The following ANAPC2 variants were observed in gnomAD, a reference collection of about 807,000 sequenced individuals.
ANAPC2 encodes anaphase promoting complex subunit 2, also known as anaphase-promoting complex subunit 2.
Under a neutral mutation model 84.3 loss-of-function variants are expected in ANAPC2, and 29 were observed. The ratio of observed to expected loss-of-function variants is 0.34; its 90% CI spans 0.26 to 0.47. The LOEUF is 0.47. Ranked by LOEUF, ANAPC2 falls within the 20% of genes least tolerant of loss-of-function variation. ANAPC2 has a pLI of 1.00. For missense variants in ANAPC2, 857 were observed against 1,131.7 expected (o/e 0.76, Z 3.48); for synonymous variants, 571 against 479.4 (o/e 1.19, Z -2.50).
At chr9:137,183,030 G>T in intron 6 of ANAPC2, 95 bp downstream of exon 6, 2 of 997,472 alleles carry the variant, frequency 2.0e-6, no homozygotes, top group Non-Finnish European at 3.1e-6. Flanking sequence ...GTGTCCTGAC[G>T]GCCGAACACA....
intron 10 of ANAPC2, among the ~76,000 whole-genome samples, chr9:137,178,796 G>A (rs1485278443): frequency 6.6e-5 from 10 of 152,038 alleles, no homozygotes; most frequent in Admixed American, 2.6e-4. Flanking sequence ...GCAGGCATTC[G>A]CCACCATGGT....
intron 3 of ANAPC2, 134 bp downstream of exon 3, chr9:137,186,090 C>T: frequency 7.7e-7 from 1 of 1,295,362 alleles, no homozygotes; most frequent in East Asian, 2.5e-5. Context: ...CACATCAAGA[C>T]AGCTCCAGCC....
intron 4 of ANAPC2, 130 bp from the exon 5 acceptor site, chr9:137,183,921 T>C: frequency 8.0e-7 from 1 of 1,251,594 alleles, no homozygotes; most frequent in Non-Finnish European, 1.1e-6. Flanking sequence ...GACCACCTGC[T>C]AGGCACCAGA....
In ANAPC2 at chr9:137,186,207, A is replaced by G. The variant is rs1352288447; in HGVS notation, c.873+17T>C. The G allele has an allele frequency of 6.2e-7, 1 of 1,611,740 alleles. No individual in the cohort carries two copies. The highest frequency in any genetic ancestry group is 2.2e-5 in the East Asian group (1 of 44,842). On this transcript the variant is annotated intron_variant, in intron 3 of 12. Coordinates refer to ENST00000323927, the MANE Select transcript of ANAPC2 (RefSeq NM_013366.4). ...CCCTGTCTCCAGCGGGGCACAGCCC[A>G]AGGGAGGGGTCCTCACCTTGTGGAA...
rs1834315329 is a variant in ANAPC2, at chr9:137,180,302, C to A, written c.1769G>T (p.Gly590Val). The A allele has an allele frequency of 6.2e-7, 1 of 1,613,460 alleles. No individual in the cohort carries two copies. The highest frequency in any genetic ancestry group is 1.3e-5 in the African/African-American group (1 of 74,958). ...ACTGGACAGGATGACAGCGTAGACC[C>A]CGAACGGTGGCTGCTCCTCTGCTGG... ...KRPAEEQPPFGVYAVILSSEF... is the reference protein window; with the variant it reads ...KRPAEEQPPFVVYAVILSSEF... Residue 590 changes from glycine (G) to valine (V), a missense_variant, in exon 10 of 13, where the codon GGG (glycine) becomes GTG (valine). Physicochemically the swap from Gly to Val is moderately radical, Grantham distance 109. This residue lies in a region of ANAPC2 where 425 missense variants were observed against 595.5 expected (regional missense o/e 0.71). Transcript: ENST00000323927.
chr9:137,176,174 G>A, intron 10 of ANAPC2: 1 of 173,854 alleles, frequency 5.8e-6, no homozygotes, highest in Non-Finnish European at 1.1e-5. Context: ...GTCCTTCTAA[G>A]AAAAGGAAAG....
intron 2 of ANAPC2, chr9:137,186,612 T>A (rs1834475377): frequency 2.0e-6 from 1 of 501,376 alleles, no homozygotes; most frequent in Non-Finnish European, 3.5e-6. Context: ...GTAGGGACAC[T>A]GGCCTTCCCC....
chr9:137,183,714 C>A lies in ANAPC2; in HGVS notation c.1126G>T (p.Val376Leu). ...ERTDQRQQLLVSLKAALETRL... is the reference protein window; with the variant it reads ...ERTDQRQQLLLSLKAALETRL... ...GTCTCCAGGGCAGCCTTGAGGGACA[C>A]GAGCAGCTGCTGCCTCTGGTCCGTC... The change falls in exon 5 of 13, where the codon GTG (valine) becomes TTG (leucine). Residue 376 changes from valine (V) to leucine (L), a missense_variant. Transcript: ENST00000323927. 6.2e-7 allele frequency: 1 copy of A among 1,612,780 alleles called. No homozygotes were observed. Among genetic ancestry groups the A allele is most frequent in the African/African-American group, 1.3e-5 (1 of 75,030 alleles).
In ANAPC2 at chr9:137,183,594, G is replaced by T. The variant is rs560157766; in HGVS notation, c.1168+78C>A. 18 of 1,539,792 alleles carry T rather than the reference G, an allele frequency of 1.2e-5. No homozygotes were observed. In the South Asian group the frequency reaches 2.0e-4, roughly 17 times the overall value. Reference sequence around the variant, plus strand: ...TACAAGTCCAGGGCTGGCAGACTAGGCCCCAGGCTCCCTGGACATGGGTCC... The same window carrying T: ...TACAAGTCCAGGGCTGGCAGACTAGTCCCCAGGCTCCCTGGACATGGGTCC... On this transcript the variant is annotated intron_variant, in intron 5 of 12. Coordinates refer to ENST00000323927, the MANE Select transcript of ANAPC2 (RefSeq NM_013366.4).
chr9:137,186,257 C>T lies in ANAPC2; in HGVS notation c.840G>A (p.Glu280=). The change falls in exon 3 of 13, where the codon GAG becomes GAA. Residue 280 remains glutamate, a synonymous_variant. Transcript: ENST00000323927. ...ACTCACGCAGGAAGGAGCGCTCGTA[C>T]TCGCCCCGGCAACGGTCCTCCATCC... ...RERMEDRCRG[E]YERSFLREFH... 6.2e-7 allele frequency: 1 copy of T among 1,612,618 alleles called. No individual in the cohort carries two copies. Among genetic ancestry groups the T allele is most frequent in the African/African-American group, 1.3e-5 (1 of 75,046 alleles).
chr9:137,186,641 G>A (rs1027129065), intron 2 of ANAPC2: 10 of 460,904 alleles, frequency 2.2e-5, no homozygotes, highest in Non-Finnish European at 3.5e-5. Flanking sequence ...AGTGGCAGCA[G>A]GTGTGGCTGT....
In ANAPC2 at chr9:137,181,845, A is replaced by G. The variant is rs1238704271; in HGVS notation, c.1304T>C (p.Val435Ala). The part of the protein sequence containing the change: ...RRYLRTREDT[V>A]RQIVAGLTGD... ...CGTCAGCCCAGCCACAATCTGCCGC[A>G]CTGTGTCCTCCCGCGTCCTGCCGAT... Residue 435 changes from valine to alanine, a missense_variant, in exon 7 of 13, where the codon GTG becomes GCG. Transcript: ENST00000323927. 6.2e-6 allele frequency: 10 copies of G among 1,606,656 alleles called. No homozygotes were observed. Among genetic ancestry groups the G allele is most frequent in the Non-Finnish European group, 8.5e-6 (10 of 1,179,664 alleles).
At chr9:137,181,072 T>C in intron 7 of ANAPC2, 143 bp from the exon 8 acceptor site, 1 of 1,070,838 alleles carries the variant, frequency 9.3e-7, no homozygotes, top group Non-Finnish European at 1.3e-6. Context: ...GCCCTGAGCC[T>C]CCCGGGAGAC....
Position 137,183,119 on chromosome 9 carries a change from C to A in ANAPC2, c.1286+6G>T, listed in dbSNP as rs1834379344. The A allele has an allele frequency of 1.2e-6, 2 of 1,610,070 alleles. No individual in the cohort carries two copies. ...CAGTGGCTCCTGGGCCAGCTGCAGCCCTCACCTCAGGTAGCGGCGGATAGG... is the reference window on the plus strand; with the variant it reads ...CAGTGGCTCCTGGGCCAGCTGCAGCACTCACCTCAGGTAGCGGCGGATAGG... On this transcript the variant is annotated splice_donor_region_variant and intron_variant, in intron 6 of 12. Transcript: ENST00000323927.
Position 137,184,975 on chromosome 9 carries a change from T to A in ANAPC2, c.986A>T (p.Gln329Leu). ...NTLRRWRCHV[Q>L]RFFYRIYASL... ...GGCGTAGATGCGGTAGAAGAACCTT[T>A]GCACGTGGCAGCGCCAGCGGCGCAG... The change falls in exon 4 of 13, where the codon CAA (glutamine) becomes CTA (leucine). Residue 329 changes from glutamine (Q) to leucine (L), a missense_variant. Around this residue, in one of 3 missense-constraint regions of ANAPC2, gnomAD observed 428 missense variants for 513.8 expected, o/e 0.83. Transcript: ENST00000323927. 1 of 1,612,368 alleles carries A rather than the reference T, an allele frequency of 6.2e-7. No homozygotes were observed. The highest frequency in any genetic ancestry group is 8.5e-7 in the Non-Finnish European group (1 of 1,179,630).
chr9:137,182,617 G>A (rs1396050513), intron 6 of ANAPC2, among the ~76,000 whole-genome samples: 1 of 152,184 alleles, frequency 6.6e-6, no homozygotes, highest in African/African-American at 2.4e-5. Context: ...CCTGCTGCTC[G>A]GCTCCTGGGG....
intron 6 of ANAPC2, among the ~76,000 whole-genome samples, chr9:137,182,229 A>T (rs1015614113): frequency 1.9e-4 from 29 of 152,230 alleles, no homozygotes; most frequent in African/African-American, 4.6e-4. Context: ...AAAAGAAAAA[A>T]GGGCCGGGCA....
Position 137,174,809 on chromosome 9 carries a change from A to G in ANAPC2, c.*133T>C. The G allele has an allele frequency of 7.8e-7, 1 of 1,285,140 alleles. No individual in the cohort carries two copies. The highest frequency in any genetic ancestry group is 1.0e-6 in the Non-Finnish European group (1 of 965,158). 79.6% of individuals were successfully genotyped at this position (1,285,140 alleles called of 1,614,324 possible). ...GATGATCTGACTTGCTTTAATCTGC[A>G]CACTGCGGGGGTGGGGGTGGGCATG... On this transcript the variant is annotated 3_prime_UTR_variant, in exon 13 of 13. Transcript: ENST00000323927. This position sits in a 1 kb window ranked among gnomAD's most constrained non-coding sequence, Gnocchi z 6.1.
At chr9:137,185,892 A>G (rs567728760) in intron 3 of ANAPC2, among the ~76,000 whole-genome samples, 110 of 152,314 alleles carry the variant, frequency 7.2e-4, no homozygotes, top group African/African-American at 2.5e-3. Context: ...GTAGGGCAGC[A>G]AACAGGAGAA....
Sources: allele counts gnomAD v4.1 joint callset (sites outside exome capture counted in the v4.1 genomes callset), GRCh38; gene constraint gnomAD v4.1.1; regional missense constraint gnomAD v4.1.1; non-coding constraint Gnocchi (gnomAD v3.1); transcripts MANE v1.5; gene names NCBI Gene and HGNC (gene_info 2026-07-23, HGNC 2026-07-21).